The following COL22A1 variants were observed in gnomAD, a reference collection of about 807,000 sequenced individuals.
COL22A1 encodes the protein collagen type XXII alpha 1 chain, also known as collagen alpha-1(XXII) chain.
In COL22A1, 221 loss-of-function variants were observed where a neutral mutation model predicts 248.9. That is an observed-to-expected ratio of 0.89 (90% confidence interval 0.80 to 0.99). The LOEUF is 0.99. Among genes scored for constraint, COL22A1 ranks in the 50% least tolerant of loss-of-function variants. COL22A1 has a pLI of 0.00. For synonymous variants in COL22A1, 891 were observed against 793.4 expected (o/e 1.12, Z -2.07); for missense variants, 2,240 against 2,179.0 (o/e 1.03, Z -0.56).
At chr8:138,713,905 G>T (rs931476153) in intron 30 of COL22A1, among the ~76,000 whole-genome samples, 1 of 152,160 alleles carries the variant, frequency 6.6e-6, no homozygotes, top group Admixed American at 6.5e-5. Context: ...GCTCCTGAGT[G>T]GGGGCTGCTC....
intron 12 of COL22A1, among the ~76,000 whole-genome samples, chr8:138,782,866 G>A (rs1815148970): frequency 6.6e-6 from 1 of 152,176 alleles, no homozygotes; most frequent in Admixed American, 6.5e-5. Flanking sequence ...TGTGGCCTGG[G>A]AAAGAACACC....
At chr8:138,753,045 G>A (rs148871838) in intron 21 of COL22A1, among the ~76,000 whole-genome samples, 22 of 152,296 alleles carry the variant, frequency 1.4e-4, no homozygotes, top group Non-Finnish European at 2.9e-4. Flanking sequence ...GGGGTGAATC[G>A]AATGAGGATC....
chr8:138,743,896 T>C (rs941377403), intron 22 of COL22A1, among the ~76,000 whole-genome samples: 2 of 152,156 alleles, frequency 1.3e-5, no homozygotes, highest in African/African-American at 4.8e-5. Context: ...CCAGCCAGGA[T>C]GAGTTAACAG....
intron 43 of COL22A1, 85 bp from the exon 44 acceptor site, chr8:138,660,565 A>G (rs1564157400): frequency 8.2e-7 from 1 of 1,220,898 alleles, no homozygotes. Context: ...CAATCTCTCT[A>G]TCTGCTAAGT....
At chr8:138,724,514 T>A in intron 25 of COL22A1, 101 bp downstream of exon 25, 2 of 1,168,090 alleles carry the variant, frequency 1.7e-6, no homozygotes, top group Non-Finnish European at 2.5e-6. Flanking sequence ...AGTCCTCAGC[T>A]CTAGGAAAGT....
Position 138,751,449 on chromosome 8 carries a change from T to G in COL22A1, c.2085+9A>C. On this transcript the variant is annotated intron_variant, in intron 22 of 64. Transcript: ENST00000303045. ...CTGAGGAATCACAAAGAAAAGAGAG[T>G]TTACTTACTCGGAGACCTTGCAAAC... 1 of 1,603,180 alleles carries G rather than the reference T, an allele frequency of 6.2e-7. No individual in the cohort carries two copies. Among genetic ancestry groups the G allele is most frequent in the Non-Finnish European group, 8.5e-7 (1 of 1,173,214 alleles).
At chr8:138,793,647 TGAG>T (rs1174649784) in intron 12 of COL22A1, among the ~76,000 whole-genome samples, 3 of 152,204 alleles carry the variant, frequency 2.0e-5, no homozygotes, top group African/African-American at 7.2e-5. Flanking sequence ...ATCGAAGATG[TGAG>T]GAGGTCTCCA....
intron 22 of COL22A1, among the ~76,000 whole-genome samples, chr8:138,750,538 C>A (rs148398826): frequency 1.3e-5 from 2 of 152,212 alleles, no homozygotes; most frequent in African/African-American, 4.8e-5. Flanking sequence ...GCACTATCCA[C>A]GTCACTGAGC....
intron 22 of COL22A1, among the ~76,000 whole-genome samples, chr8:138,741,249 A>T (rs1831537195): frequency 6.6e-6 from 1 of 152,262 alleles, no homozygotes; most frequent in Admixed American, 6.5e-5. Context: ...AAATGACAAC[A>T]GCTCAAATGA....
chr8:138,613,850 C>G lies in COL22A1; in HGVS notation c.3978+17G>C. 5 of 1,611,260 alleles carry G rather than the reference C, an allele frequency of 3.1e-6. No individual in the cohort carries two copies. The highest frequency in any genetic ancestry group is 4.2e-6 in the Non-Finnish European group (5 of 1,177,316). On this transcript the variant is annotated intron_variant, in intron 56 of 64. Coordinates refer to ENST00000303045, the MANE Select transcript of COL22A1 (RefSeq NM_152888.3). ...CTGTAATAACATGAAGCACATTAGT[C>G]GCAAAGCAAAACTCACCGGTGGGCC...
intron 18 of COL22A1, 140 bp from the exon 19 acceptor site, chr8:138,755,969 C>G (rs572048811): frequency 1.3e-5 from 9 of 694,894 alleles, no homozygotes; most frequent in Non-Finnish European, 2.0e-5. Context: ...TCGTCTTGCC[C>G]GAGCCTGCTG....
chr8:138,856,850 G>C (rs1416034658), intron 3 of COL22A1, among the ~76,000 whole-genome samples: 2 of 152,146 alleles, frequency 1.3e-5, no homozygotes, highest in Non-Finnish European at 2.9e-5. Context: ...ACAAGGAAGA[G>C]GGCCCCAGCC....
chr8:138,754,900 G>A (rs971065334), intron 21 of COL22A1, among the ~76,000 whole-genome samples: 4 of 152,184 alleles, frequency 2.6e-5, no homozygotes, highest in Non-Finnish European at 5.9e-5. Flanking sequence ...TGGGGACTGG[G>A]GGCTCTGAAG....
At chr8:138,600,834 G>A (rs1459781402) in intron 60 of COL22A1, among the ~76,000 whole-genome samples, 1 of 152,192 alleles carries the variant, frequency 6.6e-6, no homozygotes, top group Non-Finnish European at 1.5e-5. Flanking sequence ...GAATTCAGGG[G>A]TCTAGTAAAG....
intron 1 of COL22A1, among the ~76,000 whole-genome samples, chr8:138,896,793 C>T (rs1045724185): frequency 3.3e-5 from 5 of 151,962 alleles, no homozygotes; most frequent in Admixed American, 1.3e-4. Context: ...GCTAACATGA[C>T]GAAACCCCGT....
At chr8:138,748,545 G>T (rs769038109) in intron 22 of COL22A1, among the ~76,000 whole-genome samples, 1 of 152,192 alleles carries the variant, frequency 6.6e-6, no homozygotes, top group Non-Finnish European at 1.5e-5. Context: ...CAGAAATGGG[G>T]ATGGCAGAGC....
intron 2 of COL22A1, among the ~76,000 whole-genome samples, chr8:138,881,178 T>G (rs1404858609): frequency 1.3e-5 from 2 of 152,032 alleles, no homozygotes; most frequent in African/African-American, 4.8e-5. Flanking sequence ...GATAATCCTG[T>G]GCATTGGCTG....
intron 12 of COL22A1, among the ~76,000 whole-genome samples, chr8:138,782,590 A>G (rs1195405246): frequency 2.0e-5 from 3 of 152,116 alleles, no homozygotes; most frequent in Admixed American, 2.0e-4. Context: ...CGCTTGAACC[A>G]GGGAGGTGAA....
chr8:138,766,243 G>A (rs1239803614), intron 16 of COL22A1, among the ~76,000 whole-genome samples: 2 of 152,212 alleles, frequency 1.3e-5, no homozygotes, highest in Non-Finnish European at 2.9e-5. Flanking sequence ...GAGTTCCTCT[G>A]ACTGCAGCTT....
Sources: gnomAD v4.1 joint callset for allele counts (sites outside exome capture counted in the v4.1 genomes callset) on GRCh38, gnomAD v4.1.1 for gene constraint, MANE v1.5 for transcripts, NCBI Gene and HGNC (gene_info 2026-07-23, HGNC 2026-07-21) for gene names.